Variants in TRIO observed in about 807,000 individuals in gnomAD.
The protein encoded by TRIO is trio Rho guanine nucleotide exchange factor, also known as triple functional domain protein.
In TRIO, 58 loss-of-function variants were observed where a neutral mutation model predicts 351.9. The observed-to-expected ratio is 0.16, with a 90% CI of 0.13 to 0.21. The LOEUF (loss-of-function observed/expected upper bound fraction) is 0.21. Among genes scored for constraint, TRIO ranks in the 10% least tolerant of loss-of-function variants. The pLI, the probability that TRIO is intolerant of heterozygous loss-of-function variation, is 1.00. For missense variants in TRIO, 3,201 were observed against 4,027.8 expected (o/e 0.79, Z 5.56); for synonymous variants, 1,758 against 1,595.7 (o/e 1.10, Z -2.42).
intron 7 of TRIO, chr5:14,297,583 A>G (rs186538290): frequency 4.6e-4 from 96 of 209,066 alleles, no homozygotes; most frequent in Non-Finnish European, 6.5e-4. Context: ...AAGAAGTGGC[A>G]GCTGCTCTTC....
intron 1 of TRIO, chr5:14,184,034 T>TA (rs1480790782): frequency 1.4e-6 from 1 of 691,524 alleles, no homozygotes; most frequent in Non-Finnish European, 2.6e-6. Context: ...AGGGTTTCTC[T>TA]AGGAGGACTG....
rs62344984 is a variant in TRIO at position 14,364,398 on chromosome 5, G to C, written c.2588-252G>C. Reference sequence around the variant, plus strand: ...AACAACAAAAAAAACCCTGAAATTCGCTCATTTGTAAAGAATGCCACACTT... The same window carrying C: ...AACAACAAAAAAAACCCTGAAATTCCCTCATTTGTAAAGAATGCCACACTT... On this transcript the variant is annotated intron_variant, in intron 14 of 56. Transcript: ENST00000344204. Among the ~76,000 whole-genome samples, 4,699 of 152,260 alleles carry C rather than the reference G, an allele frequency of 0.031. 91 individuals carry two copies. The highest frequency in any genetic ancestry group is 0.049 in the South Asian group (237 of 4,822).
intron 34 of TRIO, among the ~76,000 whole-genome samples, chr5:14,456,768 G>C (rs558194797): frequency 6.6e-6 from 1 of 152,330 alleles, no homozygotes; most frequent in Non-Finnish European, 1.5e-5. Flanking sequence ...TTCTACTCAA[G>C]ATACCATTAG....
At chr5:14,202,682 C>G (rs1268438305) in intron 1 of TRIO, among the ~76,000 whole-genome samples, 1 of 148,558 alleles carries the variant, frequency 6.7e-6, no homozygotes, top group African/African-American at 2.5e-5. Flanking sequence ...AAGGAGTTTC[C>G]CCTTTTGCTT....
intron 1 of TRIO, among the ~76,000 whole-genome samples, chr5:14,159,518 A>ATGCTTC (rs1788305450): frequency 6.6e-6 from 1 of 151,966 alleles, no homozygotes; most frequent in African/African-American, 2.4e-5. Flanking sequence ...AAGTGATATT[A>ATGCTTC]ACATTAAAAA....
intron 2 of TRIO, 71 bp downstream of exon 2, chr5:14,270,970 G>T: frequency 7.7e-6 from 8 of 1,037,836 alleles, no homozygotes; most frequent in South Asian, 6.8e-5. Context: ...CGTAATAAAT[G>T]AACTCACCTG....
At chr5:14,494,809 G>A (rs774579725) in intron 49 of TRIO, among the ~76,000 whole-genome samples, 2 of 152,208 alleles carry the variant, frequency 1.3e-5, no homozygotes, top group Non-Finnish European at 2.9e-5. Context: ...TGAGACAGGA[G>A]AATTGCTTGA....
rs1753928821 is a variant in TRIO, at chr5:14,462,820, C to T, written c.5562C>T (p.Ser1854=). The change falls in exon 36 of 57, where the codon AGC becomes AGT. Residue 1854 remains serine, a synonymous_variant. Coordinates refer to ENST00000344204, the MANE Select transcript of TRIO (RefSeq NM_007118.4). ...LSKSSSSGMQ[S]CGEEEGEEGA... Reference sequence around the variant, plus strand: ...AATCCTCCTCCTCGGGGATGCAGAGCTGTGGAGAAGAGGAAGGCGAGGAGG... The same window carrying T: ...AATCCTCCTCCTCGGGGATGCAGAGTTGTGGAGAAGAGGAAGGCGAGGAGG... 6.2e-7 allele frequency: 1 copy of T among 1,614,214 alleles called. No individual in the cohort carries two copies. The highest frequency in any genetic ancestry group is 8.5e-7 in the Non-Finnish European group (1 of 1,180,026).
At chr5:14,242,046 T>A (rs1794159785) in intron 1 of TRIO, among the ~76,000 whole-genome samples, 1 of 152,218 alleles carries the variant, frequency 6.6e-6, no homozygotes, top group South Asian at 2.1e-4. Flanking sequence ...TCAACTCTCA[T>A]CCTTACTACA....
intron 1 of TRIO, among the ~76,000 whole-genome samples, chr5:14,256,004 C>T (rs1288561172): frequency 6.6e-6 from 1 of 152,210 alleles, no homozygotes; most frequent in Admixed American, 6.5e-5. Flanking sequence ...GACTGAATGA[C>T]ATACTAGTCT....
intron 11 of TRIO, among the ~76,000 whole-genome samples, chr5:14,343,071 T>C (rs1409256512): frequency 7.2e-6 from 1 of 139,436 alleles, no homozygotes; most frequent in African/African-American, 2.8e-5. Flanking sequence ...GAAGTAATTA[T>C]AGAATCACAG....
At chr5:14,442,447 G>A (rs1460860360) in intron 34 of TRIO, among the ~76,000 whole-genome samples, 1 of 152,216 alleles carries the variant, frequency 6.6e-6, no homozygotes, top group Admixed American at 6.5e-5. Flanking sequence ...AGGGGAAGTG[G>A]CGCTGCTTAA....
At chr5:14,240,944 A>G (rs1039739735) in intron 1 of TRIO, among the ~76,000 whole-genome samples, 1 of 152,192 alleles carries the variant, frequency 6.6e-6, no homozygotes, top group African/African-American at 2.4e-5. Flanking sequence ...TTTCTTTTGA[A>G]TCGTGAAATA....
chr5:14,322,540 A>G (rs1739979774), intron 9 of TRIO, among the ~76,000 whole-genome samples: 2 of 152,232 alleles, frequency 1.3e-5, no homozygotes, highest in African/African-American at 4.8e-5. Context: ...GTAATTTCAC[A>G]GATTTGCCTC....
At chr5:14,357,995 T>A (rs1315785186) in intron 11 of TRIO, among the ~76,000 whole-genome samples, 183 bp from the exon 12 acceptor site, 1 of 152,192 alleles carries the variant, frequency 6.6e-6, no homozygotes, top group Non-Finnish European at 1.5e-5. Context: ...TGTGTTCCGC[T>A]GGCAGTGGGA....
intron 1 of TRIO, among the ~76,000 whole-genome samples, chr5:14,240,000 T>C (rs1286001450): frequency 6.6e-6 from 1 of 152,226 alleles, no homozygotes; most frequent in Non-Finnish European, 1.5e-5. Context: ...GGTTTTCTCA[T>C]GTAGATCATC....
chr5:14,496,456 A>G lies in TRIO; in HGVS notation c.7881-423A>G, dbSNP rs1756901145. Among the ~76,000 whole-genome samples the G allele has an allele frequency of 3.3e-5, 5 of 152,212 alleles. No individual in the cohort carries two copies. The South Asian group carries it at 8.3e-4, about 25-fold the overall frequency. Reference sequence around the variant, plus strand: ...AACGCCCTCTTGCTTGGGAGACCAGACTTTTTGTGTTCCCTTAAGGCCTTC... The same window carrying G: ...AACGCCCTCTTGCTTGGGAGACCAGGCTTTTTGTGTTCCCTTAAGGCCTTC... On this transcript the variant is annotated intron_variant, in intron 49 of 56. Transcript: ENST00000344204.
chr5:14,288,477 G>A (rs1736630070), intron 4 of TRIO, among the ~76,000 whole-genome samples: 1 of 151,992 alleles, frequency 6.6e-6, no homozygotes. Context: ...GACCATCCTG[G>A]CTAACACGGT....
chr5:14,326,594 T>A (rs1740411809), intron 9 of TRIO, among the ~76,000 whole-genome samples: 1 of 152,160 alleles, frequency 6.6e-6, no homozygotes, highest in Non-Finnish European at 1.5e-5. Flanking sequence ...AGGGATCAGC[T>A]TTTGTGTTTT....
Sources: allele counts gnomAD v4.1 joint callset (sites outside exome capture counted in the v4.1 genomes callset), GRCh38; gene constraint gnomAD v4.1.1; transcripts MANE v1.5; gene names NCBI Gene and HGNC (gene_info 2026-07-23, HGNC 2026-07-21).